Variants in CNTN5 observed in about 807,000 individuals in gnomAD.
CNTN5 encodes the protein contactin 5, also known as contactin-5.
In CNTN5, 77 loss-of-function variants were observed where a neutral mutation model predicts 129.1. The ratio of observed to expected loss-of-function variants is 0.60; its 90% CI spans 0.50 to 0.72. CNTN5 has a LOEUF of 0.72. CNTN5 is among the 30% of genes least tolerant of loss of function. CNTN5 has a pLI of 0.00. For missense variants in CNTN5, 1,478 were observed against 1,328.8 expected (o/e 1.11, Z -1.75); for synonymous variants, 509 against 465.6 (o/e 1.09, Z -1.20).
intron 2 of CNTN5, among the ~76,000 whole-genome samples, chr11:99,510,476 T>C (rs1486412917): frequency 6.6e-6 from 1 of 152,182 alleles, no homozygotes; most frequent in African/African-American, 2.4e-5. Flanking sequence ...AACAGAAAAC[T>C]AATGGATGCA....
intron 1 of CNTN5, among the ~76,000 whole-genome samples, chr11:99,236,041 T>C (rs1424273060): frequency 6.6e-6 from 1 of 152,178 alleles, no homozygotes; most frequent in Non-Finnish European, 1.5e-5. Context: ...GTATGCTTCA[T>C]TGTCAATATA....
intron 2 of CNTN5, among the ~76,000 whole-genome samples, chr11:99,427,494 C>T (rs531101415): frequency 8.5e-4 from 130 of 152,170 alleles, no homozygotes; most frequent in Admixed American, 3.5e-3. Flanking sequence ...GGGCCTGGCG[C>T]GGTGGCTCAC....
intron 1 of CNTN5, among the ~76,000 whole-genome samples, chr11:99,258,702 TA>T (rs1239456760): frequency 6.6e-6 from 1 of 151,936 alleles, no homozygotes; most frequent in Non-Finnish European, 1.5e-5. Context: ...ACGTTGTATC[TA>T]GGTTTTTTCT....
intron 8 of CNTN5, 71 bp downstream of exon 8, chr11:99,957,080 T>C: frequency 7.7e-7 from 1 of 1,301,764 alleles, no homozygotes; most frequent in Non-Finnish European, 1.0e-6. Context: ...TAGTGTGTGT[T>C]TTTTTTTTAA....
At chr11:99,196,776 AG>A (rs367775562) in intron 1 of CNTN5, among the ~76,000 whole-genome samples, 17 of 151,822 alleles carry the variant, frequency 1.1e-4, no homozygotes, top group East Asian at 1.9e-4. Flanking sequence ...TCCTTTAAAA[AG>A]AAAAACAAAA....
At chr11:99,116,278 A>G (rs1858041994) in intron 1 of CNTN5, among the ~76,000 whole-genome samples, 1 of 152,298 alleles carries the variant, frequency 6.6e-6, no homozygotes, top group Non-Finnish European at 1.5e-5. Flanking sequence ...AATATTTTAT[A>G]TCGATTTCCC....
At chr11:99,061,268 C>T (rs1353553774) in intron 1 of CNTN5, among the ~76,000 whole-genome samples, 1 of 151,994 alleles carries the variant, frequency 6.6e-6, no homozygotes, top group African/African-American at 2.4e-5. Flanking sequence ...AAATTTGTTT[C>T]AAGAAAAGAA....
At chr11:100,039,964 C>G (rs1166602222) in intron 9 of CNTN5, among the ~76,000 whole-genome samples, 1 of 152,200 alleles carries the variant, frequency 6.6e-6, no homozygotes, top group East Asian at 1.9e-4. Flanking sequence ...CGTCTTCTCT[C>G]AACTCGTCAA....
intron 13 of CNTN5, among the ~76,000 whole-genome samples, chr11:100,186,011 T>C (rs1236921515): frequency 6.6e-6 from 1 of 152,148 alleles, no homozygotes; most frequent in African/African-American, 2.4e-5. Context: ...AGCAGTCTAT[T>C]TGTAAAGGTT....
intron 3 of CNTN5, among the ~76,000 whole-genome samples, chr11:99,799,351 T>C (rs1444155990): frequency 6.6e-6 from 1 of 151,746 alleles, no homozygotes; most frequent in Admixed American, 6.6e-5. Context: ...ATGCTTCTAG[T>C]TTTTGGCTGT....
chr11:99,780,284 A>G (rs1276802909), intron 3 of CNTN5, among the ~76,000 whole-genome samples: 1 of 152,116 alleles, frequency 6.6e-6, no homozygotes, highest in Non-Finnish European at 1.5e-5. Flanking sequence ...TGTGAATAAT[A>G]TAGATTATCA....
At position 100,045,065 on chromosome 11, in the gene CNTN5, C is replaced by G. The variant is rs186293944; in HGVS notation, c.981-16147C>G. On this transcript the variant is annotated intron_variant, in intron 9 of 24. Transcript: ENST00000524871. Reference sequence around the variant, plus strand: ...AGTCTTTTAACATGCCACCTGTAATCTCACATCGTGTATCTACTTACCCCT... The same window carrying G: ...AGTCTTTTAACATGCCACCTGTAATGTCACATCGTGTATCTACTTACCCCT... 2.9e-4 allele frequency among the ~76,000 whole-genome samples: 44 copies of G among 152,202 alleles called. No individual in the cohort carries two copies. In the East Asian group the frequency reaches 7.9e-3, roughly 27 times the overall value.
At chr11:100,283,974 T>C (rs1169599392) in intron 18 of CNTN5, among the ~76,000 whole-genome samples, 1 of 152,002 alleles carries the variant, frequency 6.6e-6, no homozygotes, top group Non-Finnish European at 1.5e-5. Context: ...AATAAATAAA[T>C]AAATAAATTC....
rs1407233818 is a variant in CNTN5 at position 99,958,583 on chromosome 11, G to A, written c.877+1574G>A. ...AAAGAGATTTAAAAGTCATCATTGTGTATTACATCACCATAGAATAATGTG... is the reference window on the plus strand; with the variant it reads ...AAAGAGATTTAAAAGTCATCATTGTATATTACATCACCATAGAATAATGTG... On this transcript the variant is annotated intron_variant, in intron 8 of 24. Coordinates refer to ENST00000524871, the MANE Select transcript of CNTN5 (RefSeq NM_014361.4). 2.6e-5 allele frequency among the ~76,000 whole-genome samples: 4 copies of A among 152,112 alleles called. No individual in the cohort carries two copies. In the South Asian group the frequency reaches 6.2e-4, roughly 24 times the overall value.
intron 15 of CNTN5, among the ~76,000 whole-genome samples, chr11:100,208,115 C>T (rs576199010): frequency 2.6e-5 from 4 of 152,072 alleles, no homozygotes; most frequent in East Asian, 3.9e-4. Flanking sequence ...TGCTCATCTG[C>T]TGTAACTATA....
intron 1 of CNTN5, among the ~76,000 whole-genome samples, chr11:99,113,797 G>GA (rs1857911272): frequency 6.6e-6 from 1 of 152,012 alleles, no homozygotes; most frequent in African/African-American, 2.4e-5. Flanking sequence ...TTGGGGGAAA[G>GA]AAAAAACCCT....
chr11:99,360,850 C>G (rs544911724), intron 2 of CNTN5, among the ~76,000 whole-genome samples: 31 of 152,302 alleles, frequency 2.0e-4, no homozygotes, highest in African/African-American at 7.5e-4. Flanking sequence ...TTTCAGATCT[C>G]TAAGTTCTAA....
chr11:99,036,515 C>G (rs912671505), intron 1 of CNTN5, among the ~76,000 whole-genome samples: 1 of 152,004 alleles, frequency 6.6e-6, no homozygotes, highest in African/African-American at 2.4e-5. Flanking sequence ...AATTATCTAT[C>G]AATTTATTTC....
chr11:99,173,204 G>T (rs1021733946), intron 1 of CNTN5, among the ~76,000 whole-genome samples: 1 of 152,076 alleles, frequency 6.6e-6, no homozygotes. Flanking sequence ...ATTTGGGTGG[G>T]GACACACAGC....
Sources: allele counts gnomAD v4.1 joint callset (sites outside exome capture counted in the v4.1 genomes callset), GRCh38; gene constraint gnomAD v4.1.1; transcripts MANE v1.5; gene names NCBI Gene and HGNC (gene_info 2026-07-23, HGNC 2026-07-21).